Variants in NECAB1 observed in about 807,000 individuals in gnomAD.
The protein encoded by NECAB1 is N-terminal EF-hand calcium-binding protein 1.
Under a neutral mutation model 57.5 loss-of-function variants are expected in NECAB1, and 29 were observed. The ratio of observed to expected loss-of-function variants is 0.50; its 90% CI spans 0.38 to 0.69. The LOEUF is 0.69. Among genes scored for constraint, NECAB1 ranks in the 30% least tolerant of loss-of-function variants. The pLI is 0.00. For synonymous variants in NECAB1, 142 were observed against 147.7 expected, an observed-to-expected ratio of 0.96 and a Z score of 0.28; for missense variants, 372 against 413.8, an observed-to-expected ratio of 0.90 and a Z score of 0.88.
At chr8:90,945,965 T>G (rs868398265) in intron 10 of NECAB1, among the ~76,000 whole-genome samples, 2 of 152,298 alleles carry the variant, frequency 1.3e-5, no homozygotes, top group Middle Eastern at 3.4e-3. Context: ...CACAGGTGTG[T>G]TGTTGTGCAG....
chr8:90,931,432 A>T (rs1737819319), intron 8 of NECAB1, among the ~76,000 whole-genome samples: 1 of 152,350 alleles, frequency 6.6e-6, no homozygotes. Flanking sequence ...TAAGTATTTA[A>T]GATAAATTCT....
rs1586024432 is a variant in NECAB1, at chr8:90,791,782, A to G, written c.-105A>G. On this transcript the variant is annotated 5_prime_UTR_variant, in exon 1 of 13. Coordinates refer to ENST00000417640, the MANE Select transcript of NECAB1 (RefSeq NM_022351.5). The stretch of plus-strand genomic sequence containing the variant: ...CGCGCGGGAGCGAACACCCTCCCGG[A>G]TCCAGAGCCCGGCGGCGGCGAAGCA... 34 of 870,450 alleles carry G rather than the reference A, an allele frequency of 3.9e-5. No homozygotes were observed. In the East Asian group the frequency reaches 9.3e-4, roughly 24 times the overall value. The allele number at this position is 870,450 out of a possible 1,614,324, so 53.9% of individuals were successfully genotyped here. A position where few individuals can be genotyped will look rare whatever the true frequency, so the allele number is the denominator to read the frequency against.
intron 10 of NECAB1, among the ~76,000 whole-genome samples, chr8:90,948,762 C>G (rs1232719841): frequency 6.6e-6 from 1 of 152,132 alleles, no homozygotes; most frequent in African/African-American, 2.4e-5. Flanking sequence ...CATTTCTCAC[C>G]TATGCTATTT....
intron 2 of NECAB1, among the ~76,000 whole-genome samples, chr8:90,816,466 G>A (rs544672236): frequency 6.6e-6 from 1 of 151,766 alleles, no homozygotes; most frequent in Non-Finnish European, 1.5e-5. Context: ...TTTAAATGTA[G>A]GTCTAATATC....
At chr8:90,818,353 T>C (rs1812091339) in intron 2 of NECAB1, among the ~76,000 whole-genome samples, 1 of 152,066 alleles carries the variant, frequency 6.6e-6, no homozygotes, top group Non-Finnish European at 1.5e-5. Context: ...TTTTTCTCTC[T>C]TTAGTGTCCT....
chr8:90,840,627 A>G (rs1051383904), intron 3 of NECAB1, among the ~76,000 whole-genome samples: 4 of 152,218 alleles, frequency 2.6e-5, no homozygotes, highest in African/African-American at 9.7e-5. Context: ...AGAAAATTGT[A>G]AAAACGTATG....
rs376310320 is a variant in NECAB1, at chr8:90,876,073, G to A, written c.259+3920G>A. 6.3e-4 allele frequency among the ~76,000 whole-genome samples: 96 copies of A among 152,252 alleles called. 1 individual carries two copies. The highest frequency in any genetic ancestry group is 2.0e-3 in the African/African-American group (85 of 41,556). On this transcript the variant is annotated intron_variant, in intron 4 of 12. Coordinates refer to ENST00000417640, the MANE Select transcript of NECAB1 (RefSeq NM_022351.5). ...ATAACTGAGCGTACGGGAAACTCCA[G>A]AATAAAAGCTTATTCCCTTCATACC...
chr8:90,957,672 C>A lies in NECAB1; in HGVS notation c.*2160C>A, dbSNP rs534902955. On this transcript the variant is annotated 3_prime_UTR_variant, in exon 13 of 13. Coordinates refer to ENST00000417640, the MANE Select transcript of NECAB1 (RefSeq NM_022351.5). Reference sequence around the variant, plus strand: ...ATAGTAGAAAAGGAAACTAGTAGGGCCAAAAAAAAAAAGAAAAAGAAAAAG... The same window carrying A: ...ATAGTAGAAAAGGAAACTAGTAGGGACAAAAAAAAAAAGAAAAAGAAAAAG... 9.0e-5 allele frequency: 12 copies of A among 133,440 alleles called. No individual in the cohort carries two copies. Among genetic ancestry groups the A allele is most frequent in the African/African-American group, 3.0e-4 (11 of 36,122 alleles). 8.3% of individuals were successfully genotyped at this position (133,440 alleles called of 1,614,324 possible). A position where few individuals can be genotyped will look rare whatever the true frequency, so the allele number is the denominator to read the frequency against.
In NECAB1 at chr8:90,867,979, G is replaced by T. The variant is rs189195495; in HGVS notation, c.234-4149G>T. On this transcript the variant is annotated intron_variant, in intron 3 of 12. Coordinates refer to ENST00000417640, the MANE Select transcript of NECAB1 (RefSeq NM_022351.5). Reference sequence around the variant, plus strand: ...GAGAGAAACCTGGGGAGAGGTGATTGGATCATGGGGGTGGATTTCCCCCTT... The same window carrying T: ...GAGAGAAACCTGGGGAGAGGTGATTTGATCATGGGGGTGGATTTCCCCCTT... Among the ~76,000 whole-genome samples, 247 of 152,252 alleles carry T rather than the reference G, an allele frequency of 1.6e-3. 1 individual carries two copies. The highest frequency in any genetic ancestry group is 2.7e-3 in the Non-Finnish European group (185 of 68,008).
intron 3 of NECAB1, among the ~76,000 whole-genome samples, chr8:90,867,063 A>G (rs1418621356): frequency 1.3e-5 from 2 of 152,230 alleles, no homozygotes; most frequent in Non-Finnish European, 2.9e-5. Flanking sequence ...GAATTCATCC[A>G]TGTAAGCCTT....
intron 1 of NECAB1, among the ~76,000 whole-genome samples, chr8:90,793,316 A>C (rs1811607497): frequency 1.3e-5 from 2 of 152,174 alleles, no homozygotes; most frequent in Admixed American, 1.3e-4. Flanking sequence ...AACTGTGTGT[A>C]CTGGCAGCCT....
At chr8:90,823,033 T>C (rs1296722719) in intron 2 of NECAB1, among the ~76,000 whole-genome samples, 2 of 151,810 alleles carry the variant, frequency 1.3e-5, no homozygotes, top group Non-Finnish European at 2.9e-5. Flanking sequence ...TCAGGTTACA[T>C]GGGGCTAAGT....
chr8:90,831,776 T>C (rs1321177529), intron 3 of NECAB1, among the ~76,000 whole-genome samples: 1 of 152,176 alleles, frequency 6.6e-6, no homozygotes, highest in Non-Finnish European at 1.5e-5. Context: ...ACTTAGATTT[T>C]GTAACATCTG....
At chr8:90,948,185 CAT>C (rs1014491097) in intron 10 of NECAB1, among the ~76,000 whole-genome samples, 2 of 152,116 alleles carry the variant, frequency 1.3e-5, no homozygotes, top group Non-Finnish European at 2.9e-5. Flanking sequence ...CCTAGGAAAA[CAT>C]ATATATGCAC....
chr8:90,943,887 G>A (rs1810733793), intron 10 of NECAB1, among the ~76,000 whole-genome samples: 1 of 151,994 alleles, frequency 6.6e-6, no homozygotes, highest in Non-Finnish European at 1.5e-5. Flanking sequence ...GAGTAGCTGG[G>A]GCCACAGGCA....
intron 2 of NECAB1, among the ~76,000 whole-genome samples, chr8:90,821,708 T>C (rs1812147272): frequency 6.6e-6 from 1 of 151,716 alleles, no homozygotes; most frequent in Non-Finnish European, 1.5e-5. Flanking sequence ...CACATCGCCC[T>C]GTGTCTCGTA....
At chr8:90,818,159 T>G (rs1663943372) in intron 2 of NECAB1, among the ~76,000 whole-genome samples, 1 of 151,942 alleles carries the variant, frequency 6.6e-6, no homozygotes, top group Non-Finnish European at 1.5e-5. Flanking sequence ...TTTTTGATAT[T>G]GATAATGTGT....
intron 3 of NECAB1, among the ~76,000 whole-genome samples, chr8:90,838,464 G>A (rs1422995333): frequency 6.6e-6 from 1 of 152,204 alleles, no homozygotes; most frequent in Non-Finnish European, 1.5e-5. Flanking sequence ...CAGGGTTGCA[G>A]GTGGCCAGAG....
chr8:90,808,301 G>T (rs545126327), intron 2 of NECAB1, among the ~76,000 whole-genome samples: 2 of 152,244 alleles, frequency 1.3e-5, no homozygotes, highest in South Asian at 4.1e-4. Context: ...GGGCATCTGT[G>T]GTTGTCATCC....
Sources: allele counts gnomAD v4.1 joint callset (sites outside exome capture counted in the v4.1 genomes callset), GRCh38; gene constraint gnomAD v4.1.1; transcripts MANE v1.5; gene names NCBI Gene and HGNC (gene_info 2026-07-23, HGNC 2026-07-21).